Variants in EXT2 observed in about 807,000 individuals in gnomAD.
The protein encoded by EXT2 is exostosin glycosyltransferase 2.
A neutral mutation model predicts 81.6 loss-of-function variants in EXT2; 53 were observed. That is an observed-to-expected ratio of 0.65 (90% confidence interval 0.52 to 0.82). EXT2 has a LOEUF of 0.82. EXT2 is among the 40% of genes least tolerant of loss of function. The pLI is 0.00. For synonymous variants in EXT2, 320 were observed against 340.0 expected, an observed-to-expected ratio of 0.94 and a Z score of 0.65; for missense variants, 774 against 910.2, an observed-to-expected ratio of 0.85 and a Z score of 1.93.
At chr11:44,200,725 CT>C in intron 9 of EXT2, among the ~76,000 whole-genome samples, 1 of 152,066 alleles carries the variant, frequency 6.6e-6, no homozygotes, top group African/African-American at 2.4e-5. Flanking sequence ...CTGAAGTGGG[CT>C]TAAGGTTTGT....
At chr11:44,221,270 T>C (rs981472431) in intron 10 of EXT2, among the ~76,000 whole-genome samples, 1 of 152,132 alleles carries the variant, frequency 6.6e-6, no homozygotes, top group Non-Finnish European at 1.5e-5. Flanking sequence ...GCCAGCGCTG[T>C]GTGTTCTGCA....
At chr11:44,116,078 A>G (rs909889861) in intron 4 of EXT2, 1 of 152,226 alleles carries the variant, frequency 6.6e-6, no homozygotes, top group Non-Finnish European at 1.5e-5. Context: ...GGTTTTTAGT[A>G]TATTCACAAA....
intron 9 of EXT2, among the ~76,000 whole-genome samples, chr11:44,204,148 C>T (rs1254875689): frequency 7.9e-5 from 12 of 152,164 alleles, no homozygotes; most frequent in Admixed American, 4.6e-4. Flanking sequence ...CTGAGCATCC[C>T]TGAGATCCTT....
chr11:44,149,598 A>G (rs1954766098), intron 7 of EXT2, among the ~76,000 whole-genome samples: 2 of 152,202 alleles, frequency 1.3e-5, no homozygotes, highest in South Asian at 4.1e-4. Context: ...CACTATTTTG[A>G]TATCAGAAAG....
In EXT2 at chr11:44,173,563, C is replaced by CT. The variant is rs66702988; in HGVS notation, c.1305+1844dup. 3.9e-3 allele frequency among the ~76,000 whole-genome samples: 387 copies of CT among 100,058 alleles called. 8 individuals carry two copies. The highest frequency in any genetic ancestry group is 0.015 in the East Asian group (46 of 3,054). 65.6% of individuals were successfully genotyped at this position (100,058 alleles called of 152,430 possible). A position where few individuals can be genotyped will look rare whatever the true frequency, so the allele number is the denominator to read the frequency against. On this transcript the variant is annotated intron_variant, in intron 8 of 13. Transcript: ENST00000533608. ...CTTTCTTTTTTTTTCTTCTTTCTTT[C>CT]TTTTTTTTTTTTTTTTTTTTTTTGA...
At chr11:44,166,854 G>C (rs150371411) in intron 7 of EXT2, among the ~76,000 whole-genome samples, 1 of 152,150 alleles carries the variant, frequency 6.6e-6, no homozygotes, top group South Asian at 2.1e-4. Context: ...ACTTCTGCTC[G>C]GATAAGAAAC....
intron 3 of EXT2, among the ~76,000 whole-genome samples, chr11:44,110,958 G>T (rs189412314): frequency 1.4e-4 from 21 of 152,280 alleles, no homozygotes; most frequent in Admixed American, 1.2e-3. Context: ...AGGAATAGTA[G>T]ATTTGTTTGT....
intron 8 of EXT2, among the ~76,000 whole-genome samples, chr11:44,180,595 C>T (rs1036727474): frequency 4.6e-5 from 7 of 152,174 alleles, no homozygotes; most frequent in African/African-American, 9.7e-5. Context: ...CCCCTCTCTT[C>T]GGTTCCAGTC....
intron 7 of EXT2, among the ~76,000 whole-genome samples, chr11:44,136,405 C>G (rs972392666): frequency 6.6e-6 from 1 of 152,234 alleles, no homozygotes; most frequent in Non-Finnish European, 1.5e-5. Context: ...GCAGCACACT[C>G]TGTTCTGCTG....
chr11:44,129,567 A>G (rs1954459695), intron 6 of EXT2, among the ~76,000 whole-genome samples: 1 of 152,252 alleles, frequency 6.6e-6, no homozygotes, highest in African/African-American at 2.4e-5. Flanking sequence ...TGTCTAATTA[A>G]TTCACTGTTG....
chr11:44,170,810 TCACACACACACA>T (rs58131996), intron 7 of EXT2, among the ~76,000 whole-genome samples: 18,229 of 145,474 alleles, frequency 0.13, 1,287 homozygotes, highest in East Asian at 0.39. Flanking sequence ...ACGTTCACAT[TCACACACACACA>T]CACACACACA....
In EXT2 at chr11:44,122,289, A is replaced by G. The variant is rs866019561; in HGVS notation, c.744-2500A>G. On this transcript the variant is annotated intron_variant, in intron 4 of 13. Coordinates refer to ENST00000533608, the MANE Select transcript of EXT2 (RefSeq NM_207122.2). ...CTGAAAAATCACCAACTTACAAGACAGTCCATTTCATTATTGAATAGCTTT... is the reference window on the plus strand; with the variant it reads ...CTGAAAAATCACCAACTTACAAGACGGTCCATTTCATTATTGAATAGCTTT... Among the ~76,000 whole-genome samples, 9 of 152,326 alleles carry G rather than the reference A, an allele frequency of 5.9e-5. No homozygotes were observed. In the Middle Eastern group the frequency reaches 0.01, roughly 173 times the overall value.
At chr11:44,183,875 T>TAA (rs1279729205) in intron 8 of EXT2, among the ~76,000 whole-genome samples, 2 of 152,220 alleles carry the variant, frequency 1.3e-5, no homozygotes, top group African/African-American at 4.8e-5. Context: ...TTGAGACACT[T>TAA]ACTTTATATT....
In EXT2 at chr11:44,097,515, C is replaced by T. The variant is rs117039337; in HGVS notation, c.-31+1663C>T. Among the ~76,000 whole-genome samples the T allele has an allele frequency of 7.3e-3, 1,103 of 152,090 alleles. 9 individuals carry two copies. The highest frequency in any genetic ancestry group is 0.032 in the East Asian group (166 of 5,168). On this transcript the variant is annotated intron_variant, in intron 1 of 13. Transcript: ENST00000533608. ...CTAAAAAGGTTAAGAAGAGGCCAGGCGCGGTGGCTCACGCCTGTAATCCCA... is the reference window on the plus strand; with the variant it reads ...CTAAAAAGGTTAAGAAGAGGCCAGGTGCGGTGGCTCACGCCTGTAATCCCA...
At chr11:44,124,262 C>G (rs1350324746) in intron 4 of EXT2, among the ~76,000 whole-genome samples, 2 of 152,138 alleles carry the variant, frequency 1.3e-5, no homozygotes, top group Non-Finnish European at 2.9e-5. Flanking sequence ...CACAGGGATG[C>G]TGTTAGACAG....
chr11:44,145,287 C>T (rs1290298333), intron 7 of EXT2, among the ~76,000 whole-genome samples: 3 of 152,034 alleles, frequency 2.0e-5, no homozygotes, highest in African/African-American at 4.8e-5. Flanking sequence ...ACTCATGATG[C>T]CTTTAGCATA....
chr11:44,127,743 T>C (rs138543925), intron 6 of EXT2, among the ~76,000 whole-genome samples: 15 of 152,306 alleles, frequency 9.8e-5, no homozygotes, highest in African/African-American at 2.2e-4. Flanking sequence ...GGATTCTGAA[T>C]GTTAAAGCTC....
chr11:44,248,789 G>A lies in EXT2; in HGVS notation c.*4502G>A, dbSNP rs1956116281. Among the ~76,000 whole-genome samples, 1 of 152,128 alleles carries A rather than the reference G, an allele frequency of 6.6e-6. No individual in the cohort carries two copies. On this transcript the variant is annotated 3_prime_UTR_variant, in exon 14 of 14. Coordinates refer to ENST00000533608, the MANE Select transcript of EXT2 (RefSeq NM_207122.2). ...TGTGGGTCTGTACAGGCAACCTTGT[G>A]TCATTCTTTCAATTTCCGGCTCACC... is the stretch of plus-strand genomic sequence containing the variant.
intron 7 of EXT2, among the ~76,000 whole-genome samples, chr11:44,159,664 C>T (rs1048255569): frequency 6.6e-6 from 1 of 152,166 alleles, no homozygotes; most frequent in Non-Finnish European, 1.5e-5. Flanking sequence ...TACTCAGTCT[C>T]TTCAAACTGT....
Sources: allele counts gnomAD v4.1 joint callset (sites outside exome capture counted in the v4.1 genomes callset), GRCh38; gene constraint gnomAD v4.1.1; transcripts MANE v1.5; gene names NCBI Gene and HGNC (gene_info 2026-07-23, HGNC 2026-07-21).